Variants in CELSR1 observed in about 807,000 individuals in gnomAD.
The protein encoded by CELSR1 is adhesion G protein-coupled receptor C1.
A neutral mutation model predicts 249.1 loss-of-function variants in CELSR1; 110 were observed. That is an observed-to-expected ratio of 0.44 (90% CI 0.38 to 0.52). The LOEUF (loss-of-function observed/expected upper bound fraction) is 0.52, where lower values mean the gene tolerates loss of function less well. CELSR1 is among the 20% of genes least tolerant of loss of function. The probability of loss-of-function intolerance (pLI) is 0.00; values close to 1 mark genes in which losing one functional copy is unlikely to be tolerated. For missense variants in CELSR1, 4,109 were observed against 4,296.4 expected, an observed-to-expected ratio of 0.96 and a Z score of 1.22; for synonymous variants, 2,113 against 1,900.0, an observed-to-expected ratio of 1.11 and a Z score of -2.92.
Position 46,518,483 on chromosome 22 carries a change from C to T in CELSR1, c.3544+15144G>A, listed in dbSNP as rs2080651353. Reference sequence around the variant, plus strand: ...CACTGAGAAGGGAGGCCTCGGTTATCTGATTTAACACGAAGAAACCAGTCA... The same window carrying T: ...CACTGAGAAGGGAGGCCTCGGTTATTTGATTTAACACGAAGAAACCAGTCA... On this transcript the variant is annotated intron_variant, in intron 1 of 34. Coordinates refer to ENST00000674500, the MANE Select transcript of CELSR1 (RefSeq NM_001378328.1). The surrounding 1 kb of genome is among the most constrained non-coding windows in gnomAD (Gnocchi z 5.2). 6.6e-6 allele frequency among the ~76,000 whole-genome samples: 1 copy of T among 152,228 alleles called. No individual in the cohort carries two copies. The highest frequency in any genetic ancestry group is 2.1e-4 in the South Asian group (1 of 4,838).
chr22:46,519,755 G>A (rs1181224761), intron 1 of CELSR1, among the ~76,000 whole-genome samples: 6 of 152,112 alleles, frequency 3.9e-5, no homozygotes, highest in Non-Finnish European at 8.8e-5. Context: ...TTGCACCCAG[G>A]GCCCCTAAAA....
intron 9 of CELSR1, among the ~76,000 whole-genome samples, chr22:46,400,981 T>A (rs1569136632): frequency 6.6e-6 from 1 of 151,924 alleles, no homozygotes; most frequent in Non-Finnish European, 1.5e-5. Flanking sequence ...GCAAAGTTGT[T>A]CTTTGTTGCT....
chr22:46,524,559 T>TGCGC (rs1555937950), intron 1 of CELSR1, among the ~76,000 whole-genome samples: 4 of 122,836 alleles, frequency 3.3e-5, no homozygotes, highest in South Asian at 5.6e-4. Context: ...TGTGTGTGTG[T>TGCGC]GTGTGTGTGT....
chr22:46,403,525 C>G (rs1569138067), intron 9 of CELSR1, among the ~76,000 whole-genome samples: 1 of 152,048 alleles, frequency 6.6e-6, no homozygotes, highest in East Asian at 1.9e-4. Context: ...CCACTGCACT[C>G]CAGCCTGGGC....
chr22:46,410,672 A>G lies in CELSR1; in HGVS notation c.4770-111T>C. On this transcript the variant is annotated intron_variant, in intron 6 of 34. Transcript: ENST00000674500. This position sits in a 1 kb window ranked among gnomAD's most constrained non-coding sequence, Gnocchi z 6.8. ...CCTCTACCACCATAACTACTTCAGA[A>G]ACCAAGCAGACAGGCGGGGAGAGGC... 1 of 1,141,706 alleles carries G rather than the reference A, an allele frequency of 8.8e-7. No individual in the cohort carries two copies. Among genetic ancestry groups the G allele is most frequent in the Non-Finnish European group, 1.2e-6 (1 of 802,930 alleles). 70.7% of individuals were successfully genotyped at this position (1,141,706 alleles called of 1,614,324 possible). A position where few individuals can be genotyped will look rare whatever the true frequency, so the allele number is the denominator to read the frequency against.
In CELSR1 at chr22:46,536,795, G is replaced by A. The variant is rs1178561614; in HGVS notation, c.376C>T (p.Arg126Trp). The change falls in exon 1 of 35, where the codon CGG (arginine) becomes TGG (tryptophan). Residue 126 changes from arginine to tryptophan, a missense_variant. Arg to Trp is a moderately radical substitution (Grantham distance 101). Coordinates refer to ENST00000674500, the MANE Select transcript of CELSR1 (RefSeq NM_001378328.1). Reference protein sequence around the residue: ...ARARLCGTGARLCGALCFPVP... With the variant: ...ARARLCGTGAWLCGALCFPVP... ...GGGAAGCAGAGCGCCCCGCAGAGCC[G>A]GGCACCGGTTCCGCAGAGCCGGGCA... The A allele has an allele frequency of 2.5e-6, 3 of 1,194,242 alleles. No individual in the cohort carries two copies. The highest frequency in any genetic ancestry group is 7.6e-5 in the East Asian group (2 of 26,192). The allele number at this position is 1,194,242 out of a possible 1,614,324, so 74.0% of individuals were successfully genotyped here.
rs1422014325 is a variant in CELSR1, at chr22:46,429,367, C to T, written c.4611+4026G>A. 6.6e-6 allele frequency among the ~76,000 whole-genome samples: 1 copy of T among 151,884 alleles called. No homozygotes were observed. Among genetic ancestry groups the T allele is most frequent in the Non-Finnish European group, 1.5e-5 (1 of 68,030 alleles). ...AACAAACAAACAAACAAACAAAAAA[C>T]CAGCCTGGGGTGAAGCAACGACTGA... On this transcript the variant is annotated intron_variant, in intron 5 of 34. Coordinates refer to ENST00000674500, the MANE Select transcript of CELSR1 (RefSeq NM_001378328.1). The surrounding 1 kb of genome is among the most constrained non-coding windows in gnomAD (Gnocchi z 4.1).
At chr22:46,482,068 C>T (rs1429201817) in intron 1 of CELSR1, among the ~76,000 whole-genome samples, 1 of 152,204 alleles carries the variant, frequency 6.6e-6, no homozygotes, top group African/African-American at 2.4e-5. Context: ...CTACTGCACC[C>T]GGCTGACTTT....
intron 2 of CELSR1, 62 bp downstream of exon 2, chr22:46,463,645 A>G: frequency 1.4e-6 from 2 of 1,437,548 alleles, no homozygotes; most frequent in Non-Finnish European, 1.8e-6. Flanking sequence ...AAACCACCTG[A>G]GACCCTCGGC....
chr22:46,386,126 C>T (rs1602058012), intron 19 of CELSR1, among the ~76,000 whole-genome samples: 1 of 152,040 alleles, frequency 6.6e-6, no homozygotes, highest in Non-Finnish European at 1.5e-5. Context: ...TGCACCACCA[C>T]ACCTGGCTAC....
At chr22:46,449,396 ACATC>A (rs377600639) in intron 2 of CELSR1, among the ~76,000 whole-genome samples, 64 of 143,968 alleles carry the variant, frequency 4.4e-4, no homozygotes, top group African/African-American at 1.7e-3. Flanking sequence ...CACCCATCAC[ACATC>A]CATCCATCCA....
chr22:46,453,860 G>A (rs570232883), intron 2 of CELSR1, among the ~76,000 whole-genome samples: 45 of 152,262 alleles, frequency 3.0e-4, no homozygotes, highest in Admixed American at 1.1e-3. Context: ...AATATTTACC[G>A]GGTGTGAGTG....
At chr22:46,476,632 C>T (rs963486292) in intron 1 of CELSR1, among the ~76,000 whole-genome samples, 3 of 150,740 alleles carry the variant, frequency 2.0e-5, no homozygotes, top group Admixed American at 6.6e-5. Flanking sequence ...ACTGACCAGG[C>T]TACAACGTGC....
At chr22:46,370,219 A>T (rs1251977587) in intron 25 of CELSR1, 1 of 447,616 alleles carries the variant, frequency 2.2e-6, no homozygotes, top group Non-Finnish European at 4.5e-6. Flanking sequence ...GCTCCAAAAC[A>T]GATGGAGGAC....
chr22:46,509,933 C>G (rs897282066), intron 1 of CELSR1, among the ~76,000 whole-genome samples: 1 of 152,224 alleles, frequency 6.6e-6, no homozygotes, highest in Non-Finnish European at 1.5e-5. Flanking sequence ...CCCCGCTGCC[C>G]GGCTCCACTC....
rs35428903 is a variant in CELSR1, at chr22:46,536,133, G to T, written c.1038C>A (p.Thr346=). The change falls in exon 1 of 35, where the codon ACC becomes ACA. Residue 346 remains threonine, a synonymous_variant. Transcript: ENST00000674500. Reference sequence around the variant, plus strand: ...GCTCGAAGACCGGGCTGTGGTCGTTGGTGTCTTTGACCAAGACAGTGATGT... The same window carrying T: ...GCTCGAAGACCGGGCTGTGGTCGTTTGTGTCTTTGACCAAGACAGTGATGT... ...TTYITVLVKD[T]NDHSPVFEQS... 2 of 1,612,842 alleles carry T rather than the reference G, an allele frequency of 1.2e-6. No individual in the cohort carries two copies. Among genetic ancestry groups the T allele is most frequent in the Admixed American group, 3.3e-5 (2 of 60,034 alleles).
intron 1 of CELSR1, among the ~76,000 whole-genome samples, chr22:46,525,395 G>A (rs923755103): frequency 1.3e-5 from 2 of 151,280 alleles, no homozygotes; most frequent in Non-Finnish European, 2.9e-5. Context: ...GTTGCAGTGA[G>A]CTGAGATCGC....
At chr22:46,420,073 TACTC>T (rs200450209) in intron 5 of CELSR1, among the ~76,000 whole-genome samples, 5,067 of 145,566 alleles carry the variant, frequency 0.035, 260 homozygotes, top group African/African-American at 0.12. Flanking sequence ...CGTGCGCTCA[TACTC>T]ACATGTGCAC....
Position 46,439,297 on chromosome 22 carries a change from C to T in CELSR1, c.4298G>A (p.Gly1433Asp), listed in dbSNP as rs2079710509. Residue 1433 changes from glycine to aspartate, a missense_variant, in exon 3 of 35, where the codon GGC becomes GAC. Coordinates refer to ENST00000674500, the MANE Select transcript of CELSR1 (RefSeq NM_001378328.1). Reference sequence around the variant, plus strand: ...CTCACAGTAGGGCCTCTCATACTCGCCAGGAGGACACACGCAGTGGAAGCC... The same window carrying T: ...CTCACAGTAGGGCCTCTCATACTCGTCAGGAGGACACACGCAGTGGAAGCC... The part of the protein sequence containing the change: ...IGGFHCVCPP[G>D]EYERPYCEVT... The T allele has an allele frequency of 1.2e-6, 2 of 1,614,114 alleles. No individual in the cohort carries two copies. Among genetic ancestry groups the T allele is most frequent in the East Asian group, 2.2e-5 (1 of 44,874 alleles).
Sources: allele counts gnomAD v4.1 joint callset (sites outside exome capture counted in the v4.1 genomes callset), GRCh38; gene constraint gnomAD v4.1.1; non-coding constraint Gnocchi (gnomAD v3.1); transcripts MANE v1.5; gene names NCBI Gene and HGNC (gene_info 2026-07-23, HGNC 2026-07-21).